The following LRFN5 variants were observed in gnomAD, a reference collection of about 807,000 sequenced individuals.
LRFN5 encodes the protein leucine-rich repeat and fibronectin type-III domain-containing protein 5.
A neutral mutation model predicts 45.6 loss-of-function variants in LRFN5; 24 were observed. The observed-to-expected ratio is 0.53, with a 90% CI of 0.38 to 0.74. The LOEUF (loss-of-function observed/expected upper bound fraction) is 0.74. LRFN5 is among the 30% of genes least tolerant of loss of function. The pLI, the probability that LRFN5 is intolerant of heterozygous loss-of-function variation, is 0.00. For synonymous variants in LRFN5, 340 were observed against 313.8 expected, an observed-to-expected ratio of 1.08 and a Z score of -0.88; for missense variants, 776 against 861.5, an observed-to-expected ratio of 0.90 and a Z score of 1.24.
At chr14:41,837,354 T>C (rs1888699039) in intron 2 of LRFN5, among the ~76,000 whole-genome samples, 1 of 152,096 alleles carries the variant, frequency 6.6e-6, no homozygotes, top group Admixed American at 6.6e-5. Flanking sequence ...TGTGGTGAAA[T>C]GCTAGACTTA....
chr14:41,687,837 G>A (rs998877783), intron 1 of LRFN5, among the ~76,000 whole-genome samples: 1 of 152,036 alleles, frequency 6.6e-6, no homozygotes, highest in African/African-American at 2.4e-5. Flanking sequence ...TTGAACAGAG[G>A]GAACTTAGAG....
chr14:41,734,019 C>A (rs1287970362), intron 1 of LRFN5, among the ~76,000 whole-genome samples: 4 of 112,720 alleles, frequency 3.5e-5, no homozygotes, highest in African/African-American at 1.7e-4. Context: ...TTTTTCTTTT[C>A]TTTTCTTTTC....
intron 2 of LRFN5, among the ~76,000 whole-genome samples, chr14:41,867,192 T>A (rs1458342881): frequency 6.6e-6 from 1 of 152,156 alleles, no homozygotes; most frequent in Non-Finnish European, 1.5e-5. Context: ...GACTTTAGAT[T>A]TAAATATGTA....
chr14:41,709,208 T>C (rs1323763374), intron 1 of LRFN5, among the ~76,000 whole-genome samples: 1 of 152,174 alleles, frequency 6.6e-6, no homozygotes, highest in East Asian at 1.9e-4. Flanking sequence ...TATTTTATTT[T>C]ATATCTGTTG....
chr14:41,619,905 G>A (rs77877934), intron 1 of LRFN5, among the ~76,000 whole-genome samples: 3,381 of 152,022 alleles, frequency 0.022, 114 homozygotes, highest in African/African-American at 0.074. Context: ...CTCACACAGC[G>A]ACTGGCAAAT....
intron 2 of LRFN5, among the ~76,000 whole-genome samples, chr14:41,781,736 A>C (rs1886536330): frequency 6.6e-6 from 1 of 151,472 alleles, no homozygotes; most frequent in South Asian, 2.1e-4. Context: ...GGAAGGAAGG[A>C]AGTTATAGTT....
chr14:41,836,532 G>A (rs530499183), intron 2 of LRFN5, among the ~76,000 whole-genome samples: 113 of 152,190 alleles, frequency 7.4e-4, no homozygotes, highest in African/African-American at 2.6e-3. Context: ...GTTATAGGAC[G>A]CTATAAGTAA....
chr14:41,765,084 G>C (rs986910641), intron 1 of LRFN5, among the ~76,000 whole-genome samples: 1 of 152,122 alleles, frequency 6.6e-6, no homozygotes, highest in African/African-American at 2.4e-5. Context: ...GCTGACGCCT[G>C]TAATCCCAGC....
At chr14:41,657,281 T>A (rs1222183182) in intron 1 of LRFN5, among the ~76,000 whole-genome samples, 4 of 151,952 alleles carry the variant, frequency 2.6e-5, no homozygotes, top group Non-Finnish European at 5.9e-5. Flanking sequence ...GGCTATGTTT[T>A]TATTTAATTT....
chr14:41,659,048 T>C (rs1880508616), intron 1 of LRFN5, among the ~76,000 whole-genome samples: 1 of 152,058 alleles, frequency 6.6e-6, no homozygotes, highest in Non-Finnish European at 1.5e-5. Context: ...TATTTTTTAT[T>C]ATGTAATGTT....
rs145466614 is a variant in LRFN5, at chr14:41,736,559, G to A, written c.-196-30295G>A. Reference sequence around the variant, plus strand: ...ATTCTACACATTGCCTGTTCACTTCGGTGATAGTTTCTTTTGTTGTGCAGA... The same window carrying A: ...ATTCTACACATTGCCTGTTCACTTCAGTGATAGTTTCTTTTGTTGTGCAGA... On this transcript the variant is annotated intron_variant, in intron 1 of 5. Coordinates refer to ENST00000298119, the MANE Select transcript of LRFN5 (RefSeq NM_152447.5). 4.3e-4 allele frequency among the ~76,000 whole-genome samples: 66 copies of A among 152,000 alleles called. 1 individual carries two copies. Among genetic ancestry groups the A allele is most frequent in the African/African-American group, 1.4e-3 (57 of 41,456 alleles).
Position 41,887,676 on chromosome 14 carries a change from G to C in LRFN5, c.1051G>C (p.Asp351His). 1 of 1,614,134 alleles carries C rather than the reference G, an allele frequency of 6.2e-7. No individual in the cohort carries two copies. The part of the protein sequence containing the change: ...TLDILITTVK[D>H]TGAFTCIASN... ...TGACATTCTTATCACAACTGTAAAG[G>C]ATACAGGTGCTTTTACCTGCATTGC... The change falls in exon 3 of 6, where the codon GAT becomes CAT. Residue 351 changes from aspartate to histidine, a missense_variant. By Grantham distance (81) the Asp-to-His change is moderately conservative. Transcript: ENST00000298119. This position sits in a 1 kb window ranked among gnomAD's most constrained non-coding sequence, Gnocchi z 4.8.
intron 2 of LRFN5, among the ~76,000 whole-genome samples, chr14:41,788,335 C>G (rs1886801622): frequency 6.6e-6 from 1 of 151,620 alleles, no homozygotes; most frequent in South Asian, 2.1e-4. Context: ...ATGGCAGATT[C>G]ATTCTCCTTG....
intron 2 of LRFN5, among the ~76,000 whole-genome samples, chr14:41,771,365 A>T (rs1886083221): frequency 6.6e-6 from 1 of 151,848 alleles, no homozygotes; most frequent in Non-Finnish European, 1.5e-5. Flanking sequence ...TGGTTGCTCC[A>T]TCGGTTCTTT....
At chr14:41,779,206 A>G (rs111950070) in intron 2 of LRFN5, among the ~76,000 whole-genome samples, 1,624 of 151,860 alleles carry the variant, frequency 0.011, 26 homozygotes, top group African/African-American at 0.037. Context: ...TTATTATGAA[A>G]AGATATCAGA....
intron 2 of LRFN5, among the ~76,000 whole-genome samples, chr14:41,776,791 A>G (rs1237963837): frequency 2.6e-5 from 4 of 152,038 alleles, no homozygotes; most frequent in African/African-American, 9.7e-5. Flanking sequence ...TTTCTCTGCT[A>G]TTGAAGAAAT....
chr14:41,838,486 A>C (rs1379574610), intron 2 of LRFN5, among the ~76,000 whole-genome samples: 1 of 152,152 alleles, frequency 6.6e-6, no homozygotes, highest in Non-Finnish European at 1.5e-5. Context: ...TAATTTCTGC[A>C]TTTAGAGCTA....
At chr14:41,615,848 A>G (rs1249905505) in intron 1 of LRFN5, among the ~76,000 whole-genome samples, 1 of 152,140 alleles carries the variant, frequency 6.6e-6, no homozygotes, top group African/African-American at 2.4e-5. Context: ...TCTGGGGTAC[A>G]GGAGATGTTT....
At chr14:41,860,331 G>T (rs1024194309) in intron 2 of LRFN5, among the ~76,000 whole-genome samples, 8 of 151,944 alleles carry the variant, frequency 5.3e-5, no homozygotes, top group African/African-American at 1.9e-4. Flanking sequence ...AACACTAAAG[G>T]ATTTTAGAAA....
Sources: gnomAD v4.1 joint callset for allele counts (sites outside exome capture counted in the v4.1 genomes callset) on GRCh38, gnomAD v4.1.1 for gene constraint, Gnocchi (gnomAD v3.1) non-coding constraint, MANE v1.5 for transcripts, NCBI Gene and HGNC (gene_info 2026-07-23, HGNC 2026-07-21) for gene names.